The following NT5C3A variants were observed in gnomAD, a reference collection of about 807,000 sequenced individuals.
NT5C3A encodes 5'-nucleotidase, cytosolic IIIA.
NT5C3A carries 23 observed loss-of-function variants against 40.0 expected under a neutral mutation model. The observed-to-expected ratio is 0.58, with a 90% CI of 0.41 to 0.81. The LOEUF (loss-of-function observed/expected upper bound fraction) is 0.81. Among genes scored for constraint, NT5C3A ranks in the 40% least tolerant of loss-of-function variants. The probability of loss-of-function intolerance (pLI) is 0.00; values close to 1 mark genes in which losing one functional copy is unlikely to be tolerated. For synonymous variants in NT5C3A, 130 were observed against 141.4 expected (o/e 0.92, Z 0.57); for missense variants, 328 against 403.0 (o/e 0.81, Z 1.59).
chr7:33,026,354 A>AAAAAG (rs1785932880), intron 2 of NT5C3A, among the ~76,000 whole-genome samples: 1 of 24,148 alleles, frequency 4.1e-5, no homozygotes, highest in South Asian at 1.3e-3. Context: ...ATCTCAAAAG[A>AAAAAG]AAAAAAAAAA....
At chr7:33,049,057 T>C (rs1191658928) in intron 1 of NT5C3A, among the ~76,000 whole-genome samples, 1 of 152,242 alleles carries the variant, frequency 6.6e-6, no homozygotes, top group Non-Finnish European at 1.5e-5. Flanking sequence ...TACAACTTTA[T>C]GTATATCATC....
At chr7:33,047,131 T>C (rs1583959282) in intron 1 of NT5C3A, among the ~76,000 whole-genome samples, 1 of 152,336 alleles carries the variant, frequency 6.6e-6, no homozygotes, top group East Asian at 1.9e-4. Flanking sequence ...AAAAGCTTTC[T>C]GTTTTAATTT....
At chr7:33,039,473 C>T in intron 1 of NT5C3A, among the ~76,000 whole-genome samples, 1 of 149,678 alleles carries the variant, frequency 6.7e-6, no homozygotes, top group Admixed American at 6.7e-5. Context: ...ATAATATGGA[C>T]ACAGTATCCG....
intron 1 of NT5C3A, 66 bp from the exon 2 acceptor site, chr7:33,026,981 A>C (rs1785980634): frequency 9.9e-7 from 1 of 1,011,704 alleles, no homozygotes; most frequent in Non-Finnish European, 1.5e-6. Flanking sequence ...TTTGATACCA[A>C]GCAGAAACCT....
chr7:33,039,553 G>A (rs1299610490), intron 1 of NT5C3A, among the ~76,000 whole-genome samples: 2 of 31,672 alleles, frequency 6.3e-5, no homozygotes, highest in Non-Finnish European at 1.3e-4. Flanking sequence ...TCTTAAGCTT[G>A]GGTTTTTTGT....
intron 1 of NT5C3A, among the ~76,000 whole-genome samples, chr7:33,061,279 A>G (rs1457409024): frequency 6.6e-6 from 1 of 152,270 alleles, no homozygotes; most frequent in Non-Finnish European, 1.5e-5. Context: ...CTGTGGGCAT[A>G]CAGATGTGGG....
chr7:33,049,045 T>C (rs1288216815), intron 1 of NT5C3A, among the ~76,000 whole-genome samples: 1 of 152,212 alleles, frequency 6.6e-6, no homozygotes, highest in Non-Finnish European at 1.5e-5. Context: ...GTAAGCACTG[T>C]TTACAACTTT....
intron 8 of NT5C3A, among the ~76,000 whole-genome samples, chr7:33,015,425 T>C (rs951840713): frequency 6.6e-6 from 1 of 151,974 alleles, no homozygotes; most frequent in African/African-American, 2.4e-5. Flanking sequence ...CAGCCAGGTG[T>C]AGTGGTGTGC....
intron 8 of NT5C3A, 43 bp from the exon 9 acceptor site, chr7:33,014,874 A>G: frequency 6.6e-7 from 1 of 1,512,664 alleles, no homozygotes; most frequent in Non-Finnish European, 9.1e-7. Flanking sequence ...TGCAGGGCAA[A>G]GAAACAAATA....
chr7:33,030,371 T>C (rs901256094), intron 1 of NT5C3A, among the ~76,000 whole-genome samples: 3 of 152,168 alleles, frequency 2.0e-5, no homozygotes, highest in Non-Finnish European at 4.4e-5. Context: ...ATATCCCTCT[T>C]ATAAAAACAC....
At chr7:33,033,765 G>A (rs911436696) in intron 1 of NT5C3A, among the ~76,000 whole-genome samples, 2 of 151,814 alleles carry the variant, frequency 1.3e-5, no homozygotes, top group African/African-American at 4.8e-5. Flanking sequence ...TGTTTGTATA[G>A]AACTTGAGTG....
At chr7:33,035,233 G>A (rs1482074469) in intron 1 of NT5C3A, among the ~76,000 whole-genome samples, 3 of 125,218 alleles carry the variant, frequency 2.4e-5, no homozygotes, top group African/African-American at 6.1e-5. Context: ...TCGCTCTGTC[G>A]CCCAGGCTGG....
chr7:33,052,068 GT>G (rs1787390949), intron 1 of NT5C3A, among the ~76,000 whole-genome samples: 1 of 151,946 alleles, frequency 6.6e-6, no homozygotes, highest in Non-Finnish European at 1.5e-5. Context: ...TTTTTGTTTT[GT>G]TTTGTTTTGT....
intron 4 of NT5C3A, 97 bp downstream of exon 4, chr7:33,021,956 A>G (rs1785648988): frequency 1.3e-6 from 1 of 751,616 alleles, no homozygotes; most frequent in Non-Finnish European, 2.4e-6. Flanking sequence ...TAAGCACTTT[A>G]CATCCATTCT....
chr7:33,027,459 A>T (rs1786004302), intron 1 of NT5C3A, among the ~76,000 whole-genome samples: 1 of 152,232 alleles, frequency 6.6e-6, no homozygotes, highest in African/African-American at 2.4e-5. Context: ...TTGTGATTCA[A>T]TTGCTTTATC....
intron 1 of NT5C3A, among the ~76,000 whole-genome samples, chr7:33,042,496 A>G (rs980101825): frequency 7.9e-5 from 12 of 152,218 alleles, no homozygotes; most frequent in African/African-American, 2.9e-4. Flanking sequence ...CTAATCAGTA[A>G]TGAAGACTCA....
intron 1 of NT5C3A, among the ~76,000 whole-genome samples, chr7:33,047,936 C>T (rs1206848675): frequency 1.3e-5 from 2 of 152,162 alleles, no homozygotes; most frequent in South Asian, 2.1e-4. Context: ...CCTCCTGCCT[C>T]AGCCTCTCAA....
intron 1 of NT5C3A, among the ~76,000 whole-genome samples, chr7:33,062,176 G>C (rs1562608086): frequency 1.3e-5 from 2 of 152,174 alleles, no homozygotes; most frequent in African/African-American, 2.4e-5. Context: ...GATCCGGGGG[G>C]AGGGCGGGAG....
At position 33,026,930 on chromosome 7, in the gene NT5C3A, AAATT is replaced by A. The variant is rs747741241; in HGVS notation, c.139-19_139-16del. The A allele has an allele frequency of 7.1e-6, 11 of 1,551,902 alleles. No individual in the cohort carries two copies. In the East Asian group the frequency reaches 1.3e-4, roughly 19 times the overall value. On this transcript the variant is annotated splice_polypyrimidine_tract_variant and intron_variant, in intron 1 of 8. Transcript: ENST00000610140. Reference sequence around the variant, plus strand: ...AATTCTGGCATCTAAAAGTAAAAGAAAATTAATTAATTAGTTTTCATTCTTCTTT... The same window carrying A: ...AATTCTGGCATCTAAAAGTAAAAGAAAATTAATTAGTTTTCATTCTTCTTT...
Sources: allele counts gnomAD v4.1 joint callset (sites outside exome capture counted in the v4.1 genomes callset), GRCh38; gene constraint gnomAD v4.1.1; transcripts MANE v1.5; gene names NCBI Gene and HGNC (gene_info 2026-07-23, HGNC 2026-07-21).